AP5M1: variants seen among roughly 807,000 people sequenced by gnomAD.
The protein encoded by AP5M1 is AP-5 complex subunit mu-1.
Under a neutral mutation model 52.3 loss-of-function variants are expected in AP5M1, and 44 were observed. The observed-to-expected ratio is 0.84, with a 90% CI of 0.66 to 1.08. The LOEUF (loss-of-function observed/expected upper bound fraction) is 1.08. Ranked by LOEUF, AP5M1 falls within the 50% of genes least tolerant of loss-of-function variation. The pLI is 0.00. For missense variants in AP5M1, 526 were observed against 568.4 expected (o/e 0.93, Z 0.76); for synonymous variants, 213 against 199.0 (o/e 1.07, Z -0.59).
chr14:57,274,559 A>T lies in AP5M1; in HGVS notation c.390A>T (p.Gln130His). ...TAATTAGTGTCAGTGGAGTTTCACA[A>T]GGCTTTGAATTTCTTTTTGGGATAC... is the stretch of plus-strand genomic sequence containing the variant. ...PPLISVSGVS[Q>H]GFEFLFGIQD... is the part of the protein sequence containing the mutation. The change falls in exon 2 of 8, where the codon CAA becomes CAT. Residue 130 changes from glutamine (Q) to histidine (H), a missense_variant. Gln to His is a conservative substitution (Grantham distance 24). Around this residue, in one of 3 missense-constraint regions of AP5M1, gnomAD observed 425 missense variants for 430.6 expected, o/e 0.99. Transcript: ENST00000261558. 1 of 1,614,146 alleles carries T rather than the reference A, an allele frequency of 6.2e-7. No homozygotes were observed. Among genetic ancestry groups the T allele is most frequent in the Non-Finnish European group, 8.5e-7 (1 of 1,180,024 alleles).
At chr14:57,272,201 G>T (rs906124584) in intron 1 of AP5M1, among the ~76,000 whole-genome samples, 1 of 152,154 alleles carries the variant, frequency 6.6e-6, no homozygotes, top group African/African-American at 2.4e-5. Flanking sequence ...AGCAAGTTGT[G>T]TTCAAATAAT....
At chr14:57,281,994 C>A in intron 3 of AP5M1, 95 bp from the exon 4 acceptor site, 2 of 1,065,894 alleles carry the variant, frequency 1.9e-6, no homozygotes, top group South Asian at 1.7e-5. Context: ...TTGGAATAAT[C>A]TCCAAGTCAT....
chr14:57,276,996 G>A (rs548093908), intron 2 of AP5M1, among the ~76,000 whole-genome samples: 1 of 152,110 alleles, frequency 6.6e-6, no homozygotes, highest in South Asian at 2.1e-4. Flanking sequence ...TATCCTACTC[G>A]GTAGAAAACC....
rs1367392224 is a variant in AP5M1 at position 57,280,274 on chromosome 14, T to G, written c.800T>G (p.Leu267Arg). Residue 267 changes from leucine to arginine, a missense_variant, in exon 3 of 8, where the codon CTA (leucine) becomes CGA (arginine). Physicochemically the swap from Leu to Arg is moderately radical, Grantham distance 102. Transcript: ENST00000261558. ...PTNGSPLQDI[L>R]VHPCVTSLDS... ...AATGGATCTCCACTTCAGGATATTC[T>G]AGTTCACCCTTGTGTAACTTCTCTT... is the stretch of plus-strand genomic sequence containing the variant. The G allele has an allele frequency of 6.2e-7, 1 of 1,613,966 alleles. No homozygotes were observed. Among genetic ancestry groups the G allele is most frequent in the African/African-American group, 1.3e-5 (1 of 74,942 alleles).
At chr14:57,277,894 G>A (rs963190820) in intron 2 of AP5M1, among the ~76,000 whole-genome samples, 59 of 152,178 alleles carry the variant, frequency 3.9e-4, no homozygotes, top group African/African-American at 1.4e-3. Flanking sequence ...AGCTTGAAAA[G>A]AGAAATGGAC....
intron 3 of AP5M1, 98 bp downstream of exon 3, chr14:57,280,520 A>T: frequency 1.2e-6 from 1 of 832,608 alleles, no homozygotes; most frequent in Non-Finnish European, 1.9e-6. Context: ...GAACTTAGAA[A>T]AAGTTCTATT....
chr14:57,274,752 C>T lies in AP5M1; in HGVS notation c.583C>T (p.Gln195Ter), dbSNP rs375727458. The part of the protein sequence containing the change: ...NFASVTQPQK[Q>*]PAWKTGTYKG... ...TGCATCTGTGACTCAGCCACAGAAA[C>T]AGCCAGCTTGGAAAACTGGGACGTA... The change falls in exon 2 of 8, where the codon CAG (glutamine) becomes TAG (stop). Residue 195 changes from glutamine (Q) to a stop codon, truncating the protein, a stop_gained. Coordinates refer to ENST00000261558, the MANE Select transcript of AP5M1 (RefSeq NM_018229.4). LOFTEE classifies it high-confidence loss of function. 2.5e-6 allele frequency: 4 copies of T among 1,614,176 alleles called. No homozygotes were observed. The highest frequency in any genetic ancestry group is 3.4e-6 in the Non-Finnish European group (4 of 1,180,024).
chr14:57,287,278 C>A (rs545438301), intron 7 of AP5M1, among the ~76,000 whole-genome samples: 1 of 151,904 alleles, frequency 6.6e-6, no homozygotes, highest in East Asian at 1.9e-4. Context: ...GATTAGGGTT[C>A]CTAAAATAAA....
rs144880649 is a variant in AP5M1, at chr14:57,284,353, T to G, written c.1293+1123T>G. Among the ~76,000 whole-genome samples, 321 of 152,334 alleles carry G rather than the reference T, an allele frequency of 2.1e-3. 2 individuals carry two copies. The highest frequency in any genetic ancestry group is 7.2e-3 in the African/African-American group (301 of 41,568). On this transcript the variant is annotated intron_variant, in intron 6 of 7. Coordinates refer to ENST00000261558, the MANE Select transcript of AP5M1 (RefSeq NM_018229.4). ...TTAAGATTATAGAGGGTTTGAATCT[T>G]ACTTTTATTCCTTTGGTTGATGGTG...
chr14:57,274,624 T>G lies in AP5M1; in HGVS notation c.455T>G (p.Leu152Arg). 1 of 1,614,218 alleles carries G rather than the reference T, an allele frequency of 6.2e-7. No individual in the cohort carries two copies. Among genetic ancestry groups the G allele is most frequent in the East Asian group, 2.2e-5 (1 of 44,886 alleles). The change falls in exon 2 of 8, where the codon CTG becomes CGG. Residue 152 changes from leucine to arginine, a missense_variant. This residue lies in a region of AP5M1 where 425 missense variants were observed against 430.6 expected (regional missense o/e 0.99). Transcript: ENST00000261558. ...LYSGQKNDSE[L>R]NTKLSQLPDL... ...TCAGGTCAAAAAAATGACTCTGAGCTGAATACAAAATTGAGCCAGTTGCCT... is the reference window on the plus strand; with the variant it reads ...TCAGGTCAAAAAAATGACTCTGAGCGGAATACAAAATTGAGCCAGTTGCCT...
chr14:57,280,224 T>A lies in AP5M1; in HGVS notation c.750T>A (p.Val250=), dbSNP rs773641138. ...ATTTGGAAGGAATCATGCCAAATGTTACCATCAGCTTGAGTCTCCCCACCA... is the reference window on the plus strand; with the variant it reads ...ATTTGGAAGGAATCATGCCAAATGTAACCATCAGCTTGAGTCTCCCCACCA... ...KCDLEGIMPN[V]TISLSLPTNG... is the part of the protein sequence containing the mutation. The change falls in exon 3 of 8, where the codon GTT becomes GTA. Residue 250 remains valine, a synonymous_variant. Coordinates refer to ENST00000261558, the MANE Select transcript of AP5M1 (RefSeq NM_018229.4). 1 of 1,613,986 alleles carries A rather than the reference T, an allele frequency of 6.2e-7. No individual in the cohort carries two copies. The highest frequency in any genetic ancestry group is 2.2e-5 in the East Asian group (1 of 44,862).
intron 4 of AP5M1, 88 bp downstream of exon 4, chr14:57,282,316 T>G (rs1885200952): frequency 9.5e-7 from 1 of 1,051,798 alleles, no homozygotes; most frequent in South Asian, 2.1e-5. Context: ...TCTTTTACCT[T>G]ATTTTTAAGG....
chr14:57,273,785 C>T, intron 1 of AP5M1: 1 of 699,388 alleles, frequency 1.4e-6, no homozygotes, highest in Non-Finnish European at 2.6e-6. Flanking sequence ...TAAAATTGTA[C>T]CATCTCAACT....
Position 57,291,616 on chromosome 14 carries a change from T to G in AP5M1, c.*2732T>G, listed in dbSNP as rs1249708651. The G allele has an allele frequency of 1.3e-5, 2 of 151,846 alleles. No homozygotes were observed. Among genetic ancestry groups the G allele is most frequent in the Non-Finnish European group, 2.9e-5 (2 of 67,848 alleles). The allele number at this position is 151,846 out of a possible 1,614,324, so 9.4% of individuals were successfully genotyped here. On this transcript the variant is annotated 3_prime_UTR_variant, in exon 8 of 8. Coordinates refer to ENST00000261558, the MANE Select transcript of AP5M1 (RefSeq NM_018229.4). ...GGAATTCTGATGACAATTATTTGTT[T>G]AAAAAATTTTTTTTATTAAACATTA... is the stretch of plus-strand genomic sequence containing the variant.
At chr14:57,271,755 T>C (rs905899704) in intron 1 of AP5M1, among the ~76,000 whole-genome samples, 3 of 152,250 alleles carry the variant, frequency 2.0e-5, no homozygotes, top group African/African-American at 7.2e-5. Context: ...AATATCTTCC[T>C]ACATTGTCTT....
chr14:57,273,715 G>A, intron 1 of AP5M1: 1 of 702,028 alleles, frequency 1.4e-6, no homozygotes, highest in Non-Finnish European at 2.6e-6. Flanking sequence ...GTAGGGATTG[G>A]CAAGAAGACT....
At chr14:57,284,038 GC>G (rs1233946013) in intron 6 of AP5M1, among the ~76,000 whole-genome samples, 1 of 152,170 alleles carries the variant, frequency 6.6e-6, no homozygotes, top group African/African-American at 2.4e-5. Flanking sequence ...TGTAGTCCTT[GC>G]CCTCCAGGAA....
At position 57,295,549 on chromosome 14, in the gene AP5M1, T is replaced by TA. The variant is rs1885532067; in HGVS notation, c.*6666dup. On this transcript the variant is annotated 3_prime_UTR_variant, in exon 8 of 8. Coordinates refer to ENST00000261558, the MANE Select transcript of AP5M1 (RefSeq NM_018229.4). ...AGCAACCTGCTGCTCTCCAGACTGTTACAGTGCATGAGTGATAATAAAAAT... is the reference window on the plus strand; with the variant it reads ...AGCAACCTGCTGCTCTCCAGACTGTTAACAGTGCATGAGTGATAATAAAAAT... 1 of 151,968 alleles carries TA rather than the reference T, an allele frequency of 6.6e-6. No homozygotes were observed. The highest frequency in any genetic ancestry group is 6.6e-5 in the Admixed American group (1 of 15,226). 9.4% of individuals were successfully genotyped at this position (151,968 alleles called of 1,614,324 possible). A position where few individuals can be genotyped will look rare whatever the true frequency, so the allele number is the denominator to read the frequency against.
In AP5M1 at chr14:57,291,274, C is replaced by T. The variant is rs1885428420; in HGVS notation, c.*2390C>T. ...AAAGATTTGGATAGTGTCAGACCTT[C>T]TCTAGATGCAAAATTGCTAAATTCC... On this transcript the variant is annotated 3_prime_UTR_variant, in exon 8 of 8. Coordinates refer to ENST00000261558, the MANE Select transcript of AP5M1 (RefSeq NM_018229.4). The T allele has an allele frequency of 6.6e-6, 1 of 151,836 alleles. No homozygotes were observed. The highest frequency in any genetic ancestry group is 1.5e-5 in the Non-Finnish European group (1 of 67,864). 9.4% of individuals were successfully genotyped at this position (151,836 alleles called of 1,614,324 possible).
Sources: allele counts gnomAD v4.1 joint callset (sites outside exome capture counted in the v4.1 genomes callset), GRCh38; gene constraint gnomAD v4.1.1; regional missense constraint gnomAD v4.1.1; transcripts MANE v1.5; gene names NCBI Gene and HGNC (gene_info 2026-07-23, HGNC 2026-07-21).